The following CSMD3 variants were observed in gnomAD, a reference collection of about 807,000 sequenced individuals.
CSMD3 encodes the protein CUB and sushi domain-containing protein 3.
In CSMD3, 177 loss-of-function variants were observed where a neutral mutation model predicts 435.2. The ratio of observed to expected loss-of-function variants is 0.41; its 90% confidence interval spans 0.36 to 0.46. CSMD3 has a LOEUF of 0.46. CSMD3 is among the 20% of genes least tolerant of loss of function. The probability of loss-of-function intolerance (pLI) is 0.34; values close to 1 mark genes in which losing one functional copy is unlikely to be tolerated. For missense variants in CSMD3, 4,265 were observed against 4,504.6 expected (o/e 0.95, Z 1.52); for synonymous variants, 1,656 against 1,520.5 (o/e 1.09, Z -2.07).
chr8:113,272,295 T>C (rs966365560), intron 3 of CSMD3, among the ~76,000 whole-genome samples: 2 of 152,032 alleles, frequency 1.3e-5, no homozygotes, highest in African/African-American at 4.8e-5. Flanking sequence ...AATGATATGG[T>C]TTGTCTCTGT....
At chr8:113,373,192 ATGG>A (rs529558914) in intron 1 of CSMD3, among the ~76,000 whole-genome samples, 233 of 152,226 alleles carry the variant, frequency 1.5e-3, no homozygotes, top group African/African-American at 5.5e-3. Context: ...ACACACACAG[ATGG>A]TATTCCTATA....
intron 4 of CSMD3, among the ~76,000 whole-genome samples, chr8:113,119,852 T>C (rs1254004349): frequency 2.0e-5 from 3 of 152,116 alleles, no homozygotes; most frequent in African/African-American, 7.2e-5. Context: ...AATAACAGAA[T>C]TATTGGTTTA....
intron 1 of CSMD3, among the ~76,000 whole-genome samples, chr8:113,408,844 T>C (rs2094544889): frequency 6.6e-6 from 1 of 151,972 alleles, no homozygotes; most frequent in African/African-American, 2.4e-5. Context: ...TTTGTATTTT[T>C]AGTAGAGATG....
At chr8:113,039,003 A>C (rs2087481926) in intron 5 of CSMD3, among the ~76,000 whole-genome samples, 2 of 152,110 alleles carry the variant, frequency 1.3e-5, no homozygotes, top group Non-Finnish European at 2.9e-5. Flanking sequence ...TTGTCCCTTG[A>C]GGGTTCTCTA....
intron 32 of CSMD3, among the ~76,000 whole-genome samples, chr8:112,453,346 T>A (rs1448043618): frequency 6.6e-6 from 1 of 152,100 alleles, no homozygotes; most frequent in Non-Finnish European, 1.5e-5. Flanking sequence ...AATAATATGA[T>A]CATACACCTA....
intron 5 of CSMD3, among the ~76,000 whole-genome samples, chr8:113,021,089 T>C (rs2086668870): frequency 6.6e-6 from 1 of 152,214 alleles, no homozygotes; most frequent in Non-Finnish European, 1.5e-5. Context: ...TATTTCTCAT[T>C]TTTATTCTTG....
chr8:113,357,060 AC>A (rs1411459862), intron 1 of CSMD3, among the ~76,000 whole-genome samples: 1 of 152,176 alleles, frequency 6.6e-6, no homozygotes, highest in East Asian at 1.9e-4. Flanking sequence ...AAATATATAT[AC>A]ATACATATAT....
chr8:112,239,931 CT>C (rs1353565500), intron 66 of CSMD3, among the ~76,000 whole-genome samples: 17 of 151,986 alleles, frequency 1.1e-4, no homozygotes, highest in African/African-American at 3.6e-4. Context: ...TCTTAATATT[CT>C]CTTAATAGGG....
chr8:113,242,684 A>G (rs1477751917), intron 3 of CSMD3, among the ~76,000 whole-genome samples: 1 of 152,048 alleles, frequency 6.6e-6, no homozygotes, highest in African/African-American at 2.4e-5. Flanking sequence ...TAACAAAGAA[A>G]TGCACTTCAA....
intron 22 of CSMD3, among the ~76,000 whole-genome samples, chr8:112,592,829 C>T (rs1220497894): frequency 6.6e-6 from 1 of 151,966 alleles, no homozygotes; most frequent in Non-Finnish European, 1.5e-5. Context: ...GGGATAGGTC[C>T]TCTTCCTCAT....
chr8:112,778,707 A>G (rs1009580021), intron 13 of CSMD3, among the ~76,000 whole-genome samples: 31 of 151,980 alleles, frequency 2.0e-4, no homozygotes, highest in African/African-American at 6.8e-4. Flanking sequence ...AAGGAGCATG[A>G]CTGCTGGATT....
intron 10 of CSMD3, among the ~76,000 whole-genome samples, chr8:112,875,395 C>A (rs1473621291): frequency 6.6e-6 from 1 of 152,042 alleles, no homozygotes; most frequent in East Asian, 1.9e-4. Flanking sequence ...GATTATATTT[C>A]TTGGGGTTGC....
At chr8:112,926,622 T>C (rs2082920215) in intron 9 of CSMD3, among the ~76,000 whole-genome samples, 1 of 152,140 alleles carries the variant, frequency 6.6e-6, no homozygotes, top group South Asian at 2.1e-4. Context: ...ATATCAAAGC[T>C]GTCAGTAAGA....
intron 10 of CSMD3, among the ~76,000 whole-genome samples, chr8:112,860,067 A>G (rs897415235): frequency 7.9e-5 from 12 of 151,860 alleles, no homozygotes; most frequent in African/African-American, 2.7e-4. Flanking sequence ...GTACATAGTT[A>G]TCATCATCAC....
intron 67 of CSMD3, 28 bp from the exon 68 acceptor site, chr8:112,234,505 A>T (rs1259400061): frequency 8.0e-7 from 1 of 1,243,902 alleles, no homozygotes; most frequent in Non-Finnish European, 1.2e-6. Flanking sequence ...ATTTTAGTCT[A>T]CTTAACTTTG....
chr8:112,449,871 C>T (rs1268826993), intron 32 of CSMD3, among the ~76,000 whole-genome samples: 2 of 152,030 alleles, frequency 1.3e-5, no homozygotes, highest in Admixed American at 6.6e-5. Flanking sequence ...TACAGGCACC[C>T]GCCACCACGC....
At chr8:112,341,223 G>T (rs1825075191) in intron 42 of CSMD3, among the ~76,000 whole-genome samples, 1 of 151,980 alleles carries the variant, frequency 6.6e-6, no homozygotes, top group Non-Finnish European at 1.5e-5. Flanking sequence ...ATTTAATTGT[G>T]TATTAACTTA....
chr8:112,647,091 A>T lies in CSMD3; in HGVS notation c.3194-1866T>A, dbSNP rs568478057. ...AAGCAAGTATAGAAATAACTCAAAC[A>T]GTCTAGTTCCAGGGTCTATGATCTC... On this transcript the variant is annotated intron_variant, in intron 19 of 70. Transcript: ENST00000297405. Among the ~76,000 whole-genome samples, 8 of 150,278 alleles carry T rather than the reference A, an allele frequency of 5.3e-5. No homozygotes were observed. In the South Asian group the frequency reaches 1.5e-3, roughly 28 times the overall value.
At chr8:112,749,815 A>C (rs924501335) in intron 13 of CSMD3, among the ~76,000 whole-genome samples, 1 of 151,934 alleles carries the variant, frequency 6.6e-6, no homozygotes, top group Non-Finnish European at 1.5e-5. Context: ...TAAAAATTCA[A>C]ATTATAACTA....
Sources: allele counts gnomAD v4.1 joint callset (sites outside exome capture counted in the v4.1 genomes callset), GRCh38; gene constraint gnomAD v4.1.1; transcripts MANE v1.5; gene names NCBI Gene and HGNC (gene_info 2026-07-23, HGNC 2026-07-21).